The following PCNX2 variants were observed in gnomAD, a reference collection of about 807,000 sequenced individuals.
PCNX2 encodes pecanex-like protein 2.
Under a neutral mutation model 223.8 loss-of-function variants are expected in PCNX2, and 168 were observed. The ratio of observed to expected loss-of-function variants is 0.75; its 90% CI spans 0.66 to 0.85. The LOEUF is 0.85. Ranked by LOEUF, PCNX2 falls within the 40% of genes least tolerant of loss-of-function variation. The pLI, the probability that PCNX2 is intolerant of heterozygous loss-of-function variation, is 0.00. For synonymous variants in PCNX2, 1,006 were observed against 1,052.6 expected (o/e 0.96, Z 0.86); for missense variants, 2,507 against 2,675.5 (o/e 0.94, Z 1.39).
At chr1:233,143,633 C>T (rs554233758) in intron 19 of PCNX2, among the ~76,000 whole-genome samples, 1 of 152,226 alleles carries the variant, frequency 6.6e-6, no homozygotes, top group African/African-American at 2.4e-5. Context: ...AGTTTGAGAA[C>T]CATTTTCTGG....
intron 17 of PCNX2, among the ~76,000 whole-genome samples, chr1:233,161,960 T>TATA (rs1553303707): frequency 6.6e-4 from 98 of 147,544 alleles, no homozygotes; most frequent in African/African-American, 2.0e-3. Flanking sequence ...AAATTATTTT[T>TATA]TATATATATA....
At chr1:233,115,020 A>G (rs1373018591) in intron 21 of PCNX2, among the ~76,000 whole-genome samples, 3 of 152,138 alleles carry the variant, frequency 2.0e-5, no homozygotes, top group Non-Finnish European at 4.4e-5. Context: ...AGCACTGCAC[A>G]GGAGCCGATC....
At chr1:233,228,997 GTGGAGGTGACAT>G (rs1657903315) in intron 9 of PCNX2, among the ~76,000 whole-genome samples, 1 of 152,220 alleles carries the variant, frequency 6.6e-6, no homozygotes, top group Non-Finnish European at 1.5e-5. Flanking sequence ...AAGAGCAGCG[GTGGAGGTGACAT>G]TGGCTTTTAA....
intron 21 of PCNX2, among the ~76,000 whole-genome samples, chr1:233,108,496 T>A (rs1401926989): frequency 1.3e-5 from 2 of 152,154 alleles, no homozygotes; most frequent in Non-Finnish European, 2.9e-5. Context: ...AATTGCCGGC[T>A]CCTTCTCTCA....
At position 233,139,496 on chromosome 1, in the gene PCNX2, A is replaced by T. The variant is rs1676985338; in HGVS notation, c.3659+218T>A. 6.6e-6 allele frequency among the ~76,000 whole-genome samples: 1 copy of T among 152,230 alleles called. No homozygotes were observed. The highest frequency in any genetic ancestry group is 1.5e-5 in the Non-Finnish European group (1 of 68,042). ...AAATCTACTGACATTTATTCACAAT[A>T]TCATTTCAAGCAGATCTAACTTCAT... On this transcript the variant is annotated intron_variant, in intron 20 of 33. Transcript: ENST00000258229. This position sits in a 1 kb window ranked among gnomAD's most constrained non-coding sequence, Gnocchi z 4.4.
chr1:233,091,533 G>A (rs1454534570), intron 22 of PCNX2, among the ~76,000 whole-genome samples: 1 of 151,940 alleles, frequency 6.6e-6, no homozygotes, highest in Non-Finnish European at 1.5e-5. Flanking sequence ...GTCTTGTGCT[G>A]TCCACACTTT....
intron 8 of PCNX2, among the ~76,000 whole-genome samples, chr1:233,249,032 C>T (rs1202772102): frequency 2.6e-5 from 4 of 152,198 alleles, no homozygotes; most frequent in South Asian, 4.1e-4. Flanking sequence ...GAGAAATTTA[C>T]GGGGAGAAAG....
chr1:233,007,072 C>A (rs893117008), intron 28 of PCNX2, among the ~76,000 whole-genome samples: 1 of 151,936 alleles, frequency 6.6e-6, no homozygotes, highest in South Asian at 2.1e-4. Context: ...CAAACAAAAA[C>A]AATGATCCAA....
At chr1:233,154,497 C>T (rs1313521212) in intron 19 of PCNX2, among the ~76,000 whole-genome samples, 1 of 152,208 alleles carries the variant, frequency 6.6e-6, no homozygotes, top group Non-Finnish European at 1.5e-5. Context: ...CTACCCTTTA[C>T]TTCAAGAGGC....
At chr1:233,215,644 C>T (rs1331797880) in intron 12 of PCNX2, among the ~76,000 whole-genome samples, 2 of 152,168 alleles carry the variant, frequency 1.3e-5, no homozygotes, top group African/African-American at 4.8e-5. Context: ...GCATAGAACA[C>T]CCCTCCCCAG....
At chr1:233,083,123 A>G (rs1318030) in intron 23 of PCNX2, among the ~76,000 whole-genome samples, 86,356 of 152,098 alleles carry the variant, frequency 0.57, 25,041 homozygotes, top group African/African-American at 0.63. Context: ...AGGACACCTG[A>G]TTTGCAGAAT....
the PCNX2 span, among the ~76,000 whole-genome samples, chr1:233,313,257 A>C: frequency 2.0e-5 from 3 of 152,206 alleles, no homozygotes; most frequent in South Asian, 4.1e-4. Context: ...GCTCACATGC[A>C]TGAGTGTAGT....
At chr1:233,227,078 C>A (rs1421888003) in intron 10 of PCNX2, 148 bp downstream of exon 10, 1 of 848,918 alleles carries the variant, frequency 1.2e-6, no homozygotes, top group Non-Finnish European at 1.6e-6. Flanking sequence ...TTGTCAGGAT[C>A]TTTTTGCTTT....
intron 19 of PCNX2, among the ~76,000 whole-genome samples, chr1:233,151,447 T>C (rs927244232): frequency 6.6e-6 from 1 of 152,248 alleles, no homozygotes; most frequent in East Asian, 1.9e-4. Context: ...ATTGTGCATA[T>C]ATTGCACGCA....
chr1:233,223,952 C>T (rs1423011549), intron 10 of PCNX2, among the ~76,000 whole-genome samples: 2 of 152,170 alleles, frequency 1.3e-5, no homozygotes, highest in Non-Finnish European at 2.9e-5. Flanking sequence ...ACATCAGTGC[C>T]CTTCCCTCTC....
At chr1:233,225,666 T>C (rs1272776298) in intron 10 of PCNX2, among the ~76,000 whole-genome samples, 1 of 152,236 alleles carries the variant, frequency 6.6e-6, no homozygotes, top group Non-Finnish European at 1.5e-5. Flanking sequence ...CAATTAATTT[T>C]TTGTCACCAA....
chr1:233,197,927 C>A (rs905182955), intron 15 of PCNX2, among the ~76,000 whole-genome samples: 2 of 151,938 alleles, frequency 1.3e-5, no homozygotes, highest in African/African-American at 4.8e-5. Context: ...CAAAGGAGTA[C>A]CTGTGGTTTA....
intron 5 of PCNX2, among the ~76,000 whole-genome samples, chr1:233,254,409 C>T (rs1414329877): frequency 6.6e-6 from 1 of 152,204 alleles, no homozygotes; most frequent in East Asian, 1.9e-4. Flanking sequence ...CTGCTTTACA[C>T]TAAGTGTCTT....
intron 23 of PCNX2, chr1:233,057,790 G>C: frequency 2.6e-6 from 2 of 760,268 alleles, no homozygotes; most frequent in Non-Finnish European, 1.6e-6. Flanking sequence ...AATCCAGGAG[G>C]CCGAGGTCGC....
Sources: allele counts gnomAD v4.1 joint callset (sites outside exome capture counted in the v4.1 genomes callset), GRCh38; gene constraint gnomAD v4.1.1; non-coding constraint Gnocchi (gnomAD v3.1); transcripts MANE v1.5; gene names NCBI Gene and HGNC (gene_info 2026-07-23, HGNC 2026-07-21).